Variants in GRID2 observed in about 807,000 individuals in gnomAD.
The protein encoded by GRID2 is glutamate receptor ionotropic, delta-2.
A neutral mutation model predicts 114.8 loss-of-function variants in GRID2; 33 were observed. The ratio of observed to expected loss-of-function variants is 0.29; its 90% CI spans 0.22 to 0.38. The LOEUF (loss-of-function observed/expected upper bound fraction) is 0.38. GRID2 is among the 10% of genes least tolerant of loss of function. GRID2 has a pLI of 1.00. For missense variants in GRID2, 1,184 were observed against 1,257.7 expected, an observed-to-expected ratio of 0.94 and a Z score of 0.89; for synonymous variants, 505 against 449.9, an observed-to-expected ratio of 1.12 and a Z score of -1.55.
intron 8 of GRID2, among the ~76,000 whole-genome samples, chr4:93,391,154 T>A (rs546064413): frequency 7.1e-4 from 108 of 152,176 alleles, no homozygotes; most frequent in Admixed American, 3.3e-4. Flanking sequence ...TTTTACAAAT[T>A]GAACCTATCT....
chr4:93,011,216 G>T (rs1722104568), intron 2 of GRID2, among the ~76,000 whole-genome samples: 1 of 150,126 alleles, frequency 6.7e-6, no homozygotes. Context: ...GAAAATTTTT[G>T]CTGTCTGTGT....
chr4:92,317,187 A>G (rs1433733888), intron 1 of GRID2, among the ~76,000 whole-genome samples: 1 of 152,154 alleles, frequency 6.6e-6, no homozygotes, highest in African/African-American at 2.4e-5. Flanking sequence ...TCATATTACT[A>G]ATCTATCCTC....
chr4:93,676,452 A>G (rs1198347020), intron 14 of GRID2, among the ~76,000 whole-genome samples: 1 of 152,180 alleles, frequency 6.6e-6, no homozygotes, highest in African/African-American at 2.4e-5. Context: ...CTGTGTCTTT[A>G]TTGATGACAC....
chr4:92,911,151 G>T (rs1176332003), intron 2 of GRID2, among the ~76,000 whole-genome samples: 1 of 151,652 alleles, frequency 6.6e-6, no homozygotes, highest in Admixed American at 6.6e-5. Flanking sequence ...ATTTTTAACT[G>T]CCCACCATGT....
chr4:93,632,865 C>T (rs892860923), intron 14 of GRID2, among the ~76,000 whole-genome samples: 13 of 152,234 alleles, frequency 8.5e-5, no homozygotes, highest in South Asian at 4.1e-4. Flanking sequence ...AATGTTCTTC[C>T]ATTTGTTTGT....
intron 8 of GRID2, among the ~76,000 whole-genome samples, chr4:93,310,729 C>T (rs1755924409): frequency 6.6e-6 from 1 of 152,000 alleles, no homozygotes; most frequent in Admixed American, 6.6e-5. Context: ...GTTTTATTGT[C>T]TCAAAAAGGG....
intron 14 of GRID2, among the ~76,000 whole-genome samples, chr4:93,677,344 G>C (rs1454649516): frequency 6.6e-6 from 1 of 152,142 alleles, no homozygotes; most frequent in Non-Finnish European, 1.5e-5. Flanking sequence ...TCCACCTCTG[G>C]GGGCAGGGCA....
At chr4:93,326,756 G>A (rs184746648) in intron 8 of GRID2, among the ~76,000 whole-genome samples, 72 of 152,184 alleles carry the variant, frequency 4.7e-4, no homozygotes, top group African/African-American at 1.6e-3. Flanking sequence ...CTCTAGGATT[G>A]ACCCAAGGAA....
chr4:93,335,504 C>G (rs1321974194), intron 8 of GRID2, among the ~76,000 whole-genome samples: 2 of 152,110 alleles, frequency 1.3e-5, no homozygotes, highest in Admixed American at 6.6e-5. Context: ...CTTAAGCACA[C>G]TTATTTGGGC....
At chr4:92,684,023 T>C (rs933416475) in intron 2 of GRID2, among the ~76,000 whole-genome samples, 1 of 151,916 alleles carries the variant, frequency 6.6e-6, no homozygotes, top group Non-Finnish European at 1.5e-5. Flanking sequence ...ATTTGTAGAG[T>C]ATAATGCAAT....
chr4:92,428,423 G>GT (rs1482141643), intron 1 of GRID2, among the ~76,000 whole-genome samples: 4 of 151,420 alleles, frequency 2.6e-5, no homozygotes, highest in Admixed American at 2.6e-4. Flanking sequence ...ATTTCCTTCG[G>GT]TAATCCTGTT....
intron 2 of GRID2, among the ~76,000 whole-genome samples, chr4:92,767,683 G>A (rs933040195): frequency 1.3e-5 from 2 of 151,420 alleles, no homozygotes; most frequent in Admixed American, 1.3e-4. Context: ...CCTGGGAGGT[G>A]GAATTTGCAG....
At chr4:92,396,485 A>G (rs1269399661) in intron 1 of GRID2, among the ~76,000 whole-genome samples, 1 of 152,006 alleles carries the variant, frequency 6.6e-6, no homozygotes, top group Admixed American at 6.6e-5. Context: ...ATACACAGTC[A>G]TCTTCAATAA....
intron 12 of GRID2, among the ~76,000 whole-genome samples, chr4:93,507,346 C>A (rs572643255): frequency 1.1e-4 from 17 of 152,300 alleles, no homozygotes; most frequent in African/African-American, 4.1e-4. Flanking sequence ...GAACAAGTGG[C>A]CATTGGCTAC....
chr4:92,570,756 T>C (rs1481449863), intron 1 of GRID2, among the ~76,000 whole-genome samples: 1 of 152,116 alleles, frequency 6.6e-6, no homozygotes, highest in East Asian at 1.9e-4. Context: ...AGCTTGTCTG[T>C]TGTTGGCATA....
intron 2 of GRID2, among the ~76,000 whole-genome samples, chr4:92,802,357 G>T (rs142779323): frequency 2.3e-3 from 353 of 151,848 alleles, no homozygotes; most frequent in African/African-American, 7.2e-3. Context: ...CATTCTAGTG[G>T]CTTTCACAAA....
At chr4:92,432,062 C>A (rs375386607) in intron 1 of GRID2, among the ~76,000 whole-genome samples, 55 of 152,284 alleles carry the variant, frequency 3.6e-4, no homozygotes, top group Middle Eastern at 3.4e-3. Flanking sequence ...GGCGGGGAAT[C>A]TTGTTCTTTT....
intron 2 of GRID2, among the ~76,000 whole-genome samples, chr4:92,636,265 A>G (rs1052393458): frequency 2.6e-4 from 39 of 151,954 alleles, no homozygotes; most frequent in African/African-American, 9.4e-4. Context: ...TCCTCTGTTC[A>G]TTCCTCTGTC....
At chr4:93,332,289 TGTGTGTGTGTGAGA>T (rs1758563128) in intron 8 of GRID2, among the ~76,000 whole-genome samples, 4 of 110,714 alleles carry the variant, frequency 3.6e-5, no homozygotes, top group African/African-American at 1.0e-4. Flanking sequence ...TGTGTGTGTG[TGTGTGTGTGTGAGA>T]GAGAGAGAGA....
Sources: allele counts gnomAD v4.1 joint callset (sites outside exome capture counted in the v4.1 genomes callset), GRCh38; gene constraint gnomAD v4.1.1; transcripts MANE v1.5; gene names NCBI Gene and HGNC (gene_info 2026-07-23, HGNC 2026-07-21).